Variants in CSMD1 observed in about 807,000 individuals in gnomAD.
CSMD1 encodes the protein CUB and sushi domain-containing protein 1.
Under a neutral mutation model 417.5 loss-of-function variants are expected in CSMD1, and 213 were observed. The ratio of observed to expected loss-of-function variants is 0.51; its 90% CI spans 0.46 to 0.57. The LOEUF (loss-of-function observed/expected upper bound fraction) is 0.57. CSMD1 is among the 20% of genes least tolerant of loss of function. The pLI is 0.00. For missense variants in CSMD1, 6,923 were observed against 4,529.7 expected (o/e 1.53, Z -15.17); for synonymous variants, 2,862 against 1,736.8 (o/e 1.65, Z -16.11).
At chr8:2,987,464 T>A (rs1456716394) in intron 54 of CSMD1, among the ~76,000 whole-genome samples, 1 of 149,390 alleles carries the variant, frequency 6.7e-6, no homozygotes, top group Non-Finnish European at 1.5e-5. Context: ...TATATTTCTA[T>A]ATATATAAGA....
chr8:4,394,877 T>C (rs894768192), intron 3 of CSMD1, among the ~76,000 whole-genome samples: 1 of 152,148 alleles, frequency 6.6e-6, no homozygotes, highest in Non-Finnish European at 1.5e-5. Context: ...TACAACCTTG[T>C]CTACACGTCT....
intron 2 of CSMD1, among the ~76,000 whole-genome samples, chr8:4,609,307 G>A (rs1801045484): frequency 1.3e-5 from 2 of 152,122 alleles, no homozygotes; most frequent in Non-Finnish European, 1.5e-5. Context: ...AGGCTGAGGT[G>A]GGAGGATTGC....
chr8:4,106,028 C>T lies in CSMD1; in HGVS notation c.416-73929G>A, dbSNP rs187578904. 1.3e-3 allele frequency among the ~76,000 whole-genome samples: 200 copies of T among 152,310 alleles called. 1 individual carries two copies. The highest frequency in any genetic ancestry group is 4.6e-3 in the African/African-American group (190 of 41,574). ...ATCTTCGGGTGTGCCACCATCTCCACTGCATCAAGGTAGGCCAGATTTTAG... is the reference window on the plus strand; with the variant it reads ...ATCTTCGGGTGTGCCACCATCTCCATTGCATCAAGGTAGGCCAGATTTTAG... On this transcript the variant is annotated intron_variant, in intron 3 of 69. Transcript: ENST00000635120.
chr8:3,393,876 T>C (rs1384465447), intron 17 of CSMD1, among the ~76,000 whole-genome samples: 1 of 150,650 alleles, frequency 6.6e-6, no homozygotes, highest in Admixed American at 6.7e-5. Context: ...CATTAGGAGA[T>C]ATACCTAATG....
chr8:3,370,655 C>A (rs948261634), intron 18 of CSMD1, among the ~76,000 whole-genome samples: 1 of 152,168 alleles, frequency 6.6e-6, no homozygotes, highest in Admixed American at 6.5e-5. Context: ...ATCATTCAAT[C>A]TGCTGAGGGC....
At chr8:4,143,082 A>C (rs36085228) in intron 3 of CSMD1, among the ~76,000 whole-genome samples, 45,233 of 150,240 alleles carry the variant, frequency 0.3, 8,428 homozygotes, top group Non-Finnish European at 0.39. Flanking sequence ...AAGTTTAGTG[A>C]CATGATATCT....
chr8:3,466,165 A>G (rs1183360630), intron 12 of CSMD1, among the ~76,000 whole-genome samples: 1 of 151,532 alleles, frequency 6.6e-6, no homozygotes, highest in Non-Finnish European at 1.5e-5. Context: ...TACTCAGTTG[A>G]TTTTTCAATA....
At chr8:3,441,082 A>C (rs1184690958) in intron 12 of CSMD1, among the ~76,000 whole-genome samples, 1 of 152,168 alleles carries the variant, frequency 6.6e-6, no homozygotes, top group Admixed American at 6.6e-5. Flanking sequence ...AACAGACACC[A>C]AGAGAAACAT....
intron 3 of CSMD1, among the ~76,000 whole-genome samples, chr8:4,197,531 T>C (rs1799409357): frequency 1.3e-5 from 2 of 152,194 alleles, no homozygotes; most frequent in Admixed American, 6.5e-5. Flanking sequence ...CCTTGCCTGA[T>C]GGTCTTCCAA....
chr8:3,191,055 T>C (rs1796391233), intron 33 of CSMD1, among the ~76,000 whole-genome samples: 2 of 152,174 alleles, frequency 1.3e-5, no homozygotes, highest in South Asian at 4.1e-4. Context: ...TCTACAGCAC[T>C]GTGTTTATAG....
At chr8:3,219,535 G>T in intron 28 of CSMD1, 93 bp from the exon 29 acceptor site, 2 of 921,770 alleles carry the variant, frequency 2.2e-6, no homozygotes, top group Non-Finnish European at 3.0e-6. Flanking sequence ...GATTTTATTT[G>T]CTTTTGTATA....
chr8:4,660,837 G>A (rs1039539517), intron 1 of CSMD1, among the ~76,000 whole-genome samples: 1 of 151,756 alleles, frequency 6.6e-6, no homozygotes, highest in African/African-American at 2.4e-5. Context: ...ACTGAAGATA[G>A]GCAGATGGCA....
At chr8:3,430,415 C>A (rs1434114502) in intron 12 of CSMD1, among the ~76,000 whole-genome samples, 1 of 151,834 alleles carries the variant, frequency 6.6e-6, no homozygotes, top group Non-Finnish European at 1.5e-5. Flanking sequence ...TTTTTTAATG[C>A]TGAACAAATT....
chr8:4,276,606 T>TA (rs992023869), intron 3 of CSMD1, among the ~76,000 whole-genome samples: 59 of 152,218 alleles, frequency 3.9e-4, no homozygotes, highest in African/African-American at 1.3e-3. Flanking sequence ...ATAAATTTAA[T>TA]AAAAAAAGTG....
At chr8:4,516,596 G>C (rs1379613231) in intron 2 of CSMD1, among the ~76,000 whole-genome samples, 3 of 152,032 alleles carry the variant, frequency 2.0e-5, no homozygotes, top group Non-Finnish European at 4.4e-5. Context: ...TGTTGTATGG[G>C]GTCTCCCTTC....
At chr8:3,133,546 G>A (rs893098911) in intron 41 of CSMD1, among the ~76,000 whole-genome samples, 1 of 152,196 alleles carries the variant, frequency 6.6e-6, no homozygotes, top group South Asian at 2.1e-4. Flanking sequence ...AGACGAGAGT[G>A]AAGCCCCTAA....
At chr8:3,116,570 T>A (rs1286545957) in intron 42 of CSMD1, among the ~76,000 whole-genome samples, 1 of 152,190 alleles carries the variant, frequency 6.6e-6, no homozygotes, top group Non-Finnish European at 1.5e-5. Context: ...TAGCTAATTC[T>A]AGATGGTGTT....
chr8:3,369,132 T>G (rs1345224848), intron 19 of CSMD1, 122 bp downstream of exon 19: 1 of 554,248 alleles, frequency 1.8e-6, no homozygotes, highest in Non-Finnish European at 3.2e-6. Context: ...GTTAAAATCT[T>G]GAACTATACA....
intron 5 of CSMD1, among the ~76,000 whole-genome samples, chr8:3,828,904 C>G (rs1802209798): frequency 6.6e-6 from 1 of 152,300 alleles, no homozygotes; most frequent in Non-Finnish European, 1.5e-5. Flanking sequence ...ACTGTAGTGG[C>G]CTTCAGCTCA....
Sources: allele counts gnomAD v4.1 joint callset (sites outside exome capture counted in the v4.1 genomes callset), GRCh38; gene constraint gnomAD v4.1.1; transcripts MANE v1.5; gene names NCBI Gene and HGNC (gene_info 2026-07-23, HGNC 2026-07-21).